REEP1: variants seen among roughly 807,000 people sequenced by gnomAD.
REEP1 encodes the protein receptor accessory protein 1.
Under a neutral mutation model 40.3 loss-of-function variants are expected in REEP1, and 22 were observed. The ratio of observed to expected loss-of-function variants is 0.55; its 90% CI spans 0.39 to 0.78. The LOEUF (loss-of-function observed/expected upper bound fraction) is 0.78, where lower values mean the gene tolerates loss of function less well. REEP1 is among the 30% of genes least tolerant of loss of function. REEP1 has a pLI of 0.00. For synonymous variants in REEP1, 116 were observed against 139.2 expected, an observed-to-expected ratio of 0.83 and a Z score of 1.17; for missense variants, 280 against 361.1, an observed-to-expected ratio of 0.78 and a Z score of 1.82.
At chr2:86,337,984 C>T (rs765381160), upstream of REEP1, 2 of 1,517,844 alleles carry the variant, frequency 1.3e-6, no homozygotes, top group South Asian at 2.4e-5. The surrounding 1 kb of genome is among the most constrained non-coding windows in gnomAD (Gnocchi z 5.8). Context: ...ATGCTGTCAT[C>T]CCTCATTCAG....
intron 1 of REEP1, among the ~76,000 whole-genome samples, chr2:86,282,552 G>C (rs1444508254): frequency 6.6e-6 from 1 of 151,402 alleles, no homozygotes; most frequent in Non-Finnish European, 1.5e-5. Flanking sequence ...ATTAAAGGCT[G>C]CCTTTCCTCT....
chr2:86,234,630 C>A (rs747072765), intron 5 of REEP1, among the ~76,000 whole-genome samples: 14 of 152,104 alleles, frequency 9.2e-5, no homozygotes, highest in Middle Eastern at 3.2e-3. Flanking sequence ...ACCAGGAAAC[C>A]AACAACAATA....
intron 1 of REEP1, among the ~76,000 whole-genome samples, chr2:86,311,594 TA>T (rs910837503): frequency 4.6e-5 from 7 of 152,100 alleles, no homozygotes; most frequent in African/African-American, 1.7e-4. Context: ...TGTCACACAG[TA>T]TTCTGCATGT....
At chr2:86,313,969 AAGC>A (rs775782992) in intron 1 of REEP1, among the ~76,000 whole-genome samples, 99 of 152,248 alleles carry the variant, frequency 6.5e-4, no homozygotes, top group Non-Finnish European at 1.4e-3. Context: ...CAAGCTAAAC[AAGC>A]AACATGCAGG....
chr2:86,232,006 C>T (rs1675045726), intron 6 of REEP1, among the ~76,000 whole-genome samples: 1 of 152,130 alleles, frequency 6.6e-6, no homozygotes, highest in Admixed American at 6.6e-5. Context: ...CGTGTGACAC[C>T]AGAGTCAGAC....
At chr2:86,236,290 T>C (rs1425218674) in intron 5 of REEP1, among the ~76,000 whole-genome samples, 4 of 151,920 alleles carry the variant, frequency 2.6e-5, no homozygotes, top group African/African-American at 9.7e-5. Context: ...ACACAAAATC[T>C]CATTCCTATT....
chr2:86,250,264 T>C (rs753593922), intron 5 of REEP1, among the ~76,000 whole-genome samples: 3 of 152,140 alleles, frequency 2.0e-5, no homozygotes, highest in Admixed American at 6.5e-5. Context: ...CTGACAGATA[T>C]AGCACGTTTA....
At chr2:86,257,428 A>T (rs913921036) in intron 3 of REEP1, among the ~76,000 whole-genome samples, 1 of 152,182 alleles carries the variant, frequency 6.6e-6, no homozygotes, top group Non-Finnish European at 1.5e-5. Context: ...AAGCAAAAAC[A>T]TTATCAGTTA....
At chr2:86,269,468 G>T (rs60295664) in intron 2 of REEP1, among the ~76,000 whole-genome samples, 7 of 151,920 alleles carry the variant, frequency 4.6e-5, no homozygotes, top group Non-Finnish European at 7.4e-5. Context: ...ATTTTACTTC[G>T]GTTTGACAAA....
intron 5 of REEP1, among the ~76,000 whole-genome samples, chr2:86,235,469 T>C (rs1675267222): frequency 6.6e-6 from 1 of 152,214 alleles, no homozygotes; most frequent in Admixed American, 6.5e-5. Context: ...ATGATGATAA[T>C]GATGTTGATG....
intron 1 of REEP1, among the ~76,000 whole-genome samples, chr2:86,329,380 A>G (rs1379895253): frequency 1.3e-5 from 2 of 152,140 alleles, no homozygotes; most frequent in East Asian, 3.9e-4. Context: ...TCTTCTATCC[A>G]GTGTTTCCCT....
intron 1 of REEP1, among the ~76,000 whole-genome samples, chr2:86,319,708 GA>G (rs1235842463): frequency 6.7e-6 from 1 of 149,006 alleles, no homozygotes; most frequent in African/African-American, 2.5e-5. Flanking sequence ...AGAAAAGAAC[GA>G]AAAAAAAAGA....
At chr2:86,274,938 T>C (rs756979883) in intron 2 of REEP1, among the ~76,000 whole-genome samples, 1 of 152,180 alleles carries the variant, frequency 6.6e-6, no homozygotes, top group South Asian at 2.1e-4. Flanking sequence ...CCCTGGTCCA[T>C]TCTACCCCAC....
In REEP1 at chr2:86,337,587, C is replaced by T; in HGVS notation, c.-77G>A. 1 of 1,172,698 alleles carries T rather than the reference C, an allele frequency of 8.5e-7. No homozygotes were observed. The highest frequency in any genetic ancestry group is 1.1e-6 in the Non-Finnish European group (1 of 951,448). 72.6% of individuals were successfully genotyped at this position (1,172,698 alleles called of 1,614,324 possible). A position where few individuals can be genotyped will look rare whatever the true frequency, so the allele number is the denominator to read the frequency against. On this transcript the variant is annotated 5_prime_UTR_variant, in exon 1 of 9. Coordinates refer to ENST00000538924, the MANE Select transcript of REEP1 (RefSeq NM_001371279.1). This position sits in a 1 kb window ranked among gnomAD's most constrained non-coding sequence, Gnocchi z 5.8. ...GGGCGGCGCGGGCTGCTGCGGCGTT[C>T]CCGGAACGTCAGTCAGCTCACGGCA...
intron 1 of REEP1, among the ~76,000 whole-genome samples, chr2:86,293,473 T>C (rs1678830042): frequency 6.6e-6 from 1 of 152,240 alleles, no homozygotes; most frequent in Non-Finnish European, 1.5e-5. Context: ...GAGGAAGTTT[T>C]GGAGGCAATG....
intron 1 of REEP1, among the ~76,000 whole-genome samples, chr2:86,328,622 T>G (rs1042051827): frequency 2.6e-5 from 4 of 152,150 alleles, no homozygotes; most frequent in Non-Finnish European, 4.4e-5. Context: ...GAGACTGCAG[T>G]GAGCCAAGAT....
At chr2:86,229,444 G>A (rs1006178714) in intron 6 of REEP1, among the ~76,000 whole-genome samples, 3 of 152,050 alleles carry the variant, frequency 2.0e-5, no homozygotes, top group Admixed American at 1.3e-4. Flanking sequence ...GGGCTGAGCT[G>A]GGGAGAGTAC....
intron 1 of REEP1, among the ~76,000 whole-genome samples, chr2:86,335,385 T>C (rs1298031118): frequency 3.3e-5 from 5 of 152,134 alleles, no homozygotes; most frequent in Non-Finnish European, 7.3e-5. Flanking sequence ...ATAGTGGAAG[T>C]AACAATCCCA....
At chr2:86,266,170 T>C (rs1677124119) in intron 2 of REEP1, among the ~76,000 whole-genome samples, 1 of 152,218 alleles carries the variant, frequency 6.6e-6, no homozygotes, top group Admixed American at 6.5e-5. Context: ...TATCCACATG[T>C]AAAATAATAA....
Sources: allele counts gnomAD v4.1 joint callset (sites outside exome capture counted in the v4.1 genomes callset), GRCh38; gene constraint gnomAD v4.1.1; non-coding constraint Gnocchi (gnomAD v3.1); transcripts MANE v1.5; gene names NCBI Gene and HGNC (gene_info 2026-07-23, HGNC 2026-07-21).